The following FARS2 variants were observed in gnomAD, a reference collection of about 807,000 sequenced individuals.
FARS2 encodes phenylalanine--tRNA ligase, mitochondrial.
In FARS2, 40 loss-of-function variants were observed where a neutral mutation model predicts 46.4. The observed-to-expected ratio is 0.86, with a 90% CI of 0.67 to 1.12. The LOEUF (loss-of-function observed/expected upper bound fraction) is 1.12, where lower values mean the gene tolerates loss of function less well. FARS2 is among the 50% of genes most tolerant of loss of function. The pLI is 0.00. For missense variants in FARS2, 513 were observed against 567.9 expected (o/e 0.90, Z 0.98); for synonymous variants, 234 against 214.9 (o/e 1.09, Z -0.78).
At chr6:5,445,771 T>C (rs796999953) in intron 4 of FARS2, among the ~76,000 whole-genome samples, 16 of 152,324 alleles carry the variant, frequency 1.1e-4, no homozygotes, top group African/African-American at 3.8e-4. Context: ...TGAAAAGATT[T>C]CTTCTATGGA....
intron 5 of FARS2, among the ~76,000 whole-genome samples, chr6:5,602,670 A>AAAAAAAAAAAAAGG (rs1554114901): frequency 7.3e-6 from 1 of 137,688 alleles, no homozygotes; most frequent in Non-Finnish European, 1.5e-5. Flanking sequence ...AAAAAAAAAA[A>AAAAAAAAAAAAAGG]GGGAACCTCC....
At chr6:5,649,798 G>A (rs776840086) in intron 6 of FARS2, among the ~76,000 whole-genome samples, 39 of 152,192 alleles carry the variant, frequency 2.6e-4, no homozygotes, top group Non-Finnish European at 4.3e-4. Flanking sequence ...AGGCTGTGTA[G>A]GATAGACTGA....
At chr6:5,398,607 C>T (rs1295701897) in intron 2 of FARS2, among the ~76,000 whole-genome samples, 2 of 152,114 alleles carry the variant, frequency 1.3e-5, no homozygotes, top group African/African-American at 4.8e-5. Flanking sequence ...AAGCCTAGAC[C>T]TGAGTATACT....
intron 3 of FARS2, among the ~76,000 whole-genome samples, chr6:5,423,172 C>T (rs986440465): frequency 1.3e-5 from 2 of 151,904 alleles, no homozygotes; most frequent in African/African-American, 4.8e-5. Context: ...TAGTTTCCTT[C>T]GAGAACAGGT....
intron 6 of FARS2, among the ~76,000 whole-genome samples, chr6:5,770,847 G>A (rs968553133): frequency 1.3e-5 from 2 of 152,186 alleles, no homozygotes; most frequent in Admixed American, 1.3e-4. Context: ...GAGCCTTGCT[G>A]ATACTTCAGT....
intron 6 of FARS2, among the ~76,000 whole-genome samples, chr6:5,748,124 C>A (rs2150960804): frequency 6.6e-6 from 1 of 152,266 alleles, no homozygotes; most frequent in Middle Eastern, 3.4e-3. Context: ...CCCTCCTACC[C>A]ACTCTCACCT....
chr6:5,769,319 G>A (rs1265320789), intron 6 of FARS2, among the ~76,000 whole-genome samples: 1 of 152,224 alleles, frequency 6.6e-6, no homozygotes, highest in African/African-American at 2.4e-5. Context: ...GAATGGGTCA[G>A]CACTTGGTGG....
At chr6:5,331,183 T>A (rs1400622756) in intron 1 of FARS2, among the ~76,000 whole-genome samples, 2 of 152,180 alleles carry the variant, frequency 1.3e-5, no homozygotes, top group Admixed American at 1.3e-4. Flanking sequence ...TTCAGTATTT[T>A]ACTTAGATGG....
intron 6 of FARS2, among the ~76,000 whole-genome samples, chr6:5,695,499 C>T (rs559808811): frequency 6.6e-6 from 1 of 152,364 alleles, no homozygotes; most frequent in Admixed American, 6.5e-5. Context: ...TTCCTGTGTG[C>T]CGTGCACTCA....
At chr6:5,363,641 A>C (rs1026427886) in intron 1 of FARS2, among the ~76,000 whole-genome samples, 1 of 152,176 alleles carries the variant, frequency 6.6e-6, no homozygotes, top group Non-Finnish European at 1.5e-5. Flanking sequence ...GCAGGTAGTA[A>C]TAATACGGCA....
intron 4 of FARS2, among the ~76,000 whole-genome samples, chr6:5,432,408 TATATATA>T (rs1477637335): frequency 4.1e-5 from 5 of 122,698 alleles, no homozygotes; most frequent in Admixed American, 9.9e-5. Flanking sequence ...TATTATGTAT[TATATATA>T]ATATATAATA....
chr6:5,559,145 G>T (rs1300763290), intron 5 of FARS2, among the ~76,000 whole-genome samples: 2 of 151,540 alleles, frequency 1.3e-5, no homozygotes, highest in African/African-American at 2.4e-5. Context: ...CCTCACTCCT[G>T]TAATCCCAGC....
chr6:5,563,547 G>A (rs1051990461), intron 5 of FARS2, among the ~76,000 whole-genome samples: 2 of 152,154 alleles, frequency 1.3e-5, no homozygotes, highest in African/African-American at 4.8e-5. Context: ...CACACTAACT[G>A]CTGTTAGGGG....
chr6:5,715,587 G>A (rs1403903459), intron 6 of FARS2, among the ~76,000 whole-genome samples: 1 of 152,116 alleles, frequency 6.6e-6, no homozygotes, highest in Non-Finnish European at 1.5e-5. Flanking sequence ...GTGGTCTCTT[G>A]TGTCTGGCTT....
chr6:5,659,340 A>G (rs559809103), intron 6 of FARS2, among the ~76,000 whole-genome samples: 2 of 152,288 alleles, frequency 1.3e-5, no homozygotes, highest in South Asian at 2.1e-4. Flanking sequence ...TTCGTTCTGT[A>G]ACTACATTAA....
At chr6:5,349,287 T>A (rs1166656603) in intron 1 of FARS2, among the ~76,000 whole-genome samples, 4 of 152,278 alleles carry the variant, frequency 2.6e-5, no homozygotes, top group Non-Finnish European at 4.4e-5. Flanking sequence ...ACATATTGGA[T>A]CTGTATGTTG....
At chr6:5,654,383 G>A (rs1411290498) in intron 6 of FARS2, among the ~76,000 whole-genome samples, 1 of 152,072 alleles carries the variant, frequency 6.6e-6, no homozygotes, top group African/African-American at 2.4e-5. Flanking sequence ...ACTTACAAAT[G>A]TTTTCCTGCA....
At chr6:5,445,965 C>T (rs556417765) in intron 4 of FARS2, among the ~76,000 whole-genome samples, 150 of 152,132 alleles carry the variant, frequency 9.9e-4, no homozygotes, top group Non-Finnish European at 1.8e-4. Flanking sequence ...TTGGGGAGGC[C>T]GAGGCAGGCA....
intron 6 of FARS2, among the ~76,000 whole-genome samples, chr6:5,638,769 T>C (rs1671842989): frequency 6.6e-6 from 1 of 152,144 alleles, no homozygotes; most frequent in Admixed American, 6.5e-5. Flanking sequence ...CGACTGTCTG[T>C]GGCATGTTCA....
Sources: gnomAD v4.1 joint callset for allele counts (sites outside exome capture counted in the v4.1 genomes callset) on GRCh38, gnomAD v4.1.1 for gene constraint, MANE v1.5 for transcripts, NCBI Gene and HGNC (gene_info 2026-07-23, HGNC 2026-07-21) for gene names.